The following CNN3 variants were observed in gnomAD, a reference collection of about 807,000 sequenced individuals.
The protein encoded by CNN3 is calponin-3.
CNN3 carries 11 observed loss-of-function variants against 39.0 expected under a neutral mutation model. The ratio of observed to expected loss-of-function variants is 0.28; its 90% CI spans 0.18 to 0.47. CNN3 has a LOEUF of 0.47. Among genes scored for constraint, CNN3 ranks in the 20% least tolerant of loss-of-function variants. CNN3 has a pLI of 0.99. For missense variants in CNN3, 266 were observed against 403.4 expected (o/e 0.66, Z 2.92); for synonymous variants, 101 against 138.3 (o/e 0.73, Z 1.89).
chr1:94,918,641 C>T (rs563957712), intron 1 of CNN3, among the ~76,000 whole-genome samples: 21 of 152,132 alleles, frequency 1.4e-4, no homozygotes, highest in Admixed American at 2.0e-4. Flanking sequence ...CACCTGTAAT[C>T]CCAACACTTT....
intron 3 of CNN3, among the ~76,000 whole-genome samples, chr1:94,902,482 C>T (rs1278906683): frequency 5.9e-5 from 9 of 152,118 alleles, no homozygotes; most frequent in Admixed American, 5.2e-4. Context: ...TATTTTTAAG[C>T]AGTTACGTGT....
At chr1:94,908,829 C>T (rs1050171078) in intron 1 of CNN3, among the ~76,000 whole-genome samples, 14 of 140,368 alleles carry the variant, frequency 1.0e-4, no homozygotes, top group African/African-American at 3.3e-4. Flanking sequence ...CCAGCCAATT[C>T]CAAAATAATA....
intron 1 of CNN3, among the ~76,000 whole-genome samples, chr1:94,922,723 C>T (rs1671477450): frequency 6.6e-6 from 1 of 152,166 alleles, no homozygotes; most frequent in Admixed American, 6.5e-5. Flanking sequence ...AGCAGCTGTG[C>T]GTCTAAAGCG....
intron 5 of CNN3, among the ~76,000 whole-genome samples, chr1:94,901,402 T>TA (rs145821505): frequency 3.5e-4 from 52 of 148,752 alleles, no homozygotes; most frequent in Middle Eastern, 3.5e-3. Context: ...TTTTCTTTTT[T>TA]AAAAAAAAAA....
intron 1 of CNN3, among the ~76,000 whole-genome samples, chr1:94,914,541 T>G (rs1671237424): frequency 6.6e-6 from 1 of 152,112 alleles, no homozygotes; most frequent in South Asian, 2.1e-4. Flanking sequence ...GCTCCTTTAC[T>G]GAAGGTTATT....
At chr1:94,913,409 C>T (rs1176538617) in intron 1 of CNN3, among the ~76,000 whole-genome samples, 1 of 152,196 alleles carries the variant, frequency 6.6e-6, no homozygotes, top group Non-Finnish European at 1.5e-5. Flanking sequence ...CCTTCTTCTA[C>T]ACAGAGTTAC....
At chr1:94,907,524 C>T (rs1057492278) in intron 1 of CNN3, among the ~76,000 whole-genome samples, 1 of 152,134 alleles carries the variant, frequency 6.6e-6, no homozygotes, top group Admixed American at 6.6e-5. Context: ...TTAAACTTAC[C>T]TCATTAATAC....
chr1:94,910,470 A>AG (rs11369104), intron 1 of CNN3, among the ~76,000 whole-genome samples: 42,199 of 152,062 alleles, frequency 0.28, 6,300 homozygotes, highest in Non-Finnish European at 0.31. Context: ...TTCCATCTCA[A>AG]GTATCAAGAT....
chr1:94,898,222 A>T, intron 6 of CNN3, 139 bp from the exon 7 acceptor site: 1 of 802,056 alleles, frequency 1.2e-6, no homozygotes, highest in Non-Finnish European at 1.9e-6. Context: ...AAGCTAGCTT[A>T]ACCAAAATAT....
intron 1 of CNN3, among the ~76,000 whole-genome samples, chr1:94,919,794 T>C (rs1671391885): frequency 6.6e-6 from 1 of 151,978 alleles, no homozygotes; most frequent in African/African-American, 2.4e-5. Context: ...TTCTCTGCAT[T>C]CATGCCTCCA....
At chr1:94,903,065 T>A in intron 3 of CNN3, 57 bp downstream of exon 3, 1 of 1,317,688 alleles carries the variant, frequency 7.6e-7, no homozygotes, top group Non-Finnish European at 1.0e-6. Context: ...TGAAATCAAG[T>A]TTTCACTACA....
At chr1:94,916,634 G>C (rs1191525612) in intron 1 of CNN3, among the ~76,000 whole-genome samples, 2 of 152,120 alleles carry the variant, frequency 1.3e-5, no homozygotes, top group African/African-American at 4.8e-5. Context: ...GTACCCTCTC[G>C]TCTTGAAAGA....
At chr1:94,901,482 C>A (rs1467806016) in intron 5 of CNN3, among the ~76,000 whole-genome samples, 187 bp downstream of exon 5, 1 of 150,350 alleles carries the variant, frequency 6.7e-6, no homozygotes, top group Non-Finnish European at 1.5e-5. Context: ...GGTGGCATAC[C>A]TGAGGTTTCC....
Position 94,897,647 on chromosome 1 carries a change from T to C in CNN3, c.*95A>G. On this transcript the variant is annotated 3_prime_UTR_variant, in exon 7 of 7. Coordinates refer to ENST00000370206, the MANE Select transcript of CNN3 (RefSeq NM_001839.5). The stretch of plus-strand genomic sequence containing the variant: ...CTTAAAAGTACAATAAGCTTAATAG[T>C]GTTTTAGGAAGACAAGATAAAAATT... 3 of 1,141,010 alleles carry C rather than the reference T, an allele frequency of 2.6e-6. No individual in the cohort carries two copies. The highest frequency in any genetic ancestry group is 3.8e-6 in the Non-Finnish European group (3 of 795,378). 70.7% of individuals were successfully genotyped at this position (1,141,010 alleles called of 1,614,324 possible).
rs971983450 is a variant in CNN3 at position 94,910,215 on chromosome 1, A to G, written c.58-6691T>C. ...TTTTCAAGTGTTCCGTGTGTTCCTTAGATTCTTCTTTCATCTTCTTTCTCC... is the reference window on the plus strand; with the variant it reads ...TTTTCAAGTGTTCCGTGTGTTCCTTGGATTCTTCTTTCATCTTCTTTCTCC... On this transcript the variant is annotated intron_variant, in intron 1 of 6. Coordinates refer to ENST00000370206, the MANE Select transcript of CNN3 (RefSeq NM_001839.5). Among the ~76,000 whole-genome samples the G allele has an allele frequency of 2.0e-5, 3 of 152,140 alleles. No individual in the cohort carries two copies. The East Asian group carries it at 5.8e-4, about 29-fold the overall frequency.
chr1:94,922,076 AG>A lies in CNN3; in HGVS notation c.57+4761del, dbSNP rs1407001760. Among the ~76,000 whole-genome samples the A allele has an allele frequency of 2.0e-5, 3 of 152,184 alleles. No homozygotes were observed. The East Asian group carries it at 5.8e-4, about 29-fold the overall frequency. On this transcript the variant is annotated intron_variant, in intron 1 of 6. Transcript: ENST00000370206. ...CTTAAGAAATAATCCCAAAATCAGC[AG>A]CAAAGATGAAAAATTTCAACATAAT...
intron 1 of CNN3, among the ~76,000 whole-genome samples, chr1:94,912,248 G>A (rs1671184614): frequency 6.6e-6 from 1 of 152,158 alleles, no homozygotes; most frequent in Admixed American, 6.5e-5. Context: ...ATTTTTGAAA[G>A]TTCAAATCTA....
chr1:94,926,544 C>T lies in CNN3; in HGVS notation c.57+294G>A, dbSNP rs1233465873. On this transcript the variant is annotated intron_variant, in intron 1 of 6. Transcript: ENST00000370206. The surrounding 1 kb of genome is among the most constrained non-coding windows in gnomAD (Gnocchi z 4.2). Reference sequence around the variant, plus strand: ...TGCAGTCACCAAACGGCCCCCGAGACCCCCGCAGCCGGAAAGGCTGGCGCC... The same window carrying T: ...TGCAGTCACCAAACGGCCCCCGAGATCCCCGCAGCCGGAAAGGCTGGCGCC... Among the ~76,000 whole-genome samples the T allele has an allele frequency of 6.6e-6, 1 of 152,162 alleles. No homozygotes were observed. Among genetic ancestry groups the T allele is most frequent in the Non-Finnish European group, 1.5e-5 (1 of 68,008 alleles).
At chr1:94,909,109 T>C (rs925914992) in intron 1 of CNN3, among the ~76,000 whole-genome samples, 2 of 152,190 alleles carry the variant, frequency 1.3e-5, no homozygotes, top group Non-Finnish European at 2.9e-5. Context: ...ATCATGTCAC[T>C]GCACTACAGC....
Sources: gnomAD v4.1 joint callset for allele counts (sites outside exome capture counted in the v4.1 genomes callset) on GRCh38, gnomAD v4.1.1 for gene constraint, Gnocchi (gnomAD v3.1) non-coding constraint, MANE v1.5 for transcripts, NCBI Gene and HGNC (gene_info 2026-07-23, HGNC 2026-07-21) for gene names.